Variants in CTNNA3 observed in about 807,000 individuals in gnomAD.
The protein encoded by CTNNA3 is catenin alpha 3.
CTNNA3 carries 76 observed loss-of-function variants against 95.7 expected under a neutral mutation model. The ratio of observed to expected loss-of-function variants is 0.79; its 90% CI spans 0.66 to 0.96. The LOEUF is 0.96. Ranked by LOEUF, CTNNA3 falls within the 40% of genes least tolerant of loss-of-function variation. The pLI is 0.00. For synonymous variants in CTNNA3, 431 were observed against 374.4 expected (o/e 1.15, Z -1.74); for missense variants, 1,191 against 1,089.8 (o/e 1.09, Z -1.31).
intron 7 of CTNNA3, among the ~76,000 whole-genome samples, chr10:66,855,557 AC>A (rs1204287121): frequency 6.6e-6 from 1 of 151,932 alleles, no homozygotes; most frequent in Non-Finnish European, 1.5e-5. Context: ...TTAGCACCAA[AC>A]AGGACCCAAC....
intron 5 of CTNNA3, among the ~76,000 whole-genome samples, chr10:67,347,844 A>AAC (rs1435546680): frequency 1.3e-5 from 2 of 151,266 alleles, no homozygotes; most frequent in Admixed American, 6.6e-5. Flanking sequence ...AAAAAAAAAA[A>AAC]AAAACACAAA....
intron 12 of CTNNA3, among the ~76,000 whole-genome samples, chr10:66,354,728 C>T (rs1054015811): frequency 3.3e-5 from 5 of 152,058 alleles, no homozygotes; most frequent in Admixed American, 2.6e-4. Flanking sequence ...AGGACCTAGA[C>T]ATCCATTACT....
Position 65,917,832 on chromosome 10 carries a change from T to A in CTNNA3, c.*2498A>T, listed in dbSNP as rs1262718258. ...AACATAATGGGGAGATTTATTCATA[T>A]CTTGCTGCTAGTTTTTCTTGCATAT... On this transcript the variant is annotated 3_prime_UTR_variant, in exon 18 of 18. Transcript: ENST00000433211. 1 of 152,154 alleles carries A rather than the reference T, an allele frequency of 6.6e-6. No individual in the cohort carries two copies. Among genetic ancestry groups the A allele is most frequent in the East Asian group, 1.9e-4 (1 of 5,186 alleles). 9.4% of individuals were successfully genotyped at this position (152,154 alleles called of 1,614,324 possible).
At chr10:66,395,613 T>C (rs779681105) in intron 11 of CTNNA3, among the ~76,000 whole-genome samples, 17 of 152,022 alleles carry the variant, frequency 1.1e-4, no homozygotes, top group Admixed American at 3.3e-4. Context: ...AAAAAGTCTG[T>C]ACTTATTATT....
chr10:67,209,760 C>T (rs1439546038), intron 6 of CTNNA3, among the ~76,000 whole-genome samples: 1 of 151,222 alleles, frequency 6.6e-6, no homozygotes, highest in African/African-American at 2.4e-5. Context: ...TTAAAACACA[C>T]TTCTAGTAGT....
chr10:65,939,944 A>C (rs2077404206), intron 17 of CTNNA3, among the ~76,000 whole-genome samples: 1 of 152,186 alleles, frequency 6.6e-6, no homozygotes, highest in Non-Finnish European at 1.5e-5. Context: ...GGAACTGTAT[A>C]TTATTTATGA....
chr10:67,515,601 C>T (rs1839786644), intron 5 of CTNNA3, among the ~76,000 whole-genome samples: 1 of 152,086 alleles, frequency 6.6e-6, no homozygotes, highest in South Asian at 2.1e-4. Context: ...TTATAAATGG[C>T]ATAAAAAATC....
intron 10 of CTNNA3, among the ~76,000 whole-genome samples, chr10:66,544,934 C>T (rs749657294): frequency 1.3e-5 from 2 of 152,088 alleles, no homozygotes; most frequent in African/African-American, 2.4e-5. Flanking sequence ...ATTTATGTAA[C>T]AAACCATTAT....
At chr10:66,394,489 C>G (rs2092958851) in intron 11 of CTNNA3, among the ~76,000 whole-genome samples, 1 of 150,584 alleles carries the variant, frequency 6.6e-6, no homozygotes. Context: ...TGTTAATTGT[C>G]CCATTGCTTC....
intron 10 of CTNNA3, among the ~76,000 whole-genome samples, chr10:66,576,568 G>C (rs990131241): frequency 6.6e-6 from 1 of 151,942 alleles, no homozygotes; most frequent in African/African-American, 2.4e-5. Context: ...AATTATAAGC[G>C]AAAACATGTG....
intron 9 of CTNNA3, among the ~76,000 whole-genome samples, chr10:66,674,347 T>G (rs1846771216): frequency 6.6e-6 from 1 of 152,042 alleles, no homozygotes; most frequent in South Asian, 2.1e-4. Context: ...TCTTTTCAGT[T>G]TCTAAGTCCT....
intron 15 of CTNNA3, among the ~76,000 whole-genome samples, chr10:65,995,687 G>A (rs895975155): frequency 6.6e-6 from 1 of 152,226 alleles, no homozygotes; most frequent in African/African-American, 2.4e-5. Flanking sequence ...AAGTTCCTGG[G>A]TAGCATGCAT....
intron 7 of CTNNA3, among the ~76,000 whole-genome samples, chr10:67,103,173 T>C (rs1436689095): frequency 6.6e-6 from 1 of 151,824 alleles, no homozygotes; most frequent in African/African-American, 2.4e-5. Flanking sequence ...CTCAAATGAA[T>C]TTATTTTTCC....
chr10:67,758,576 A>G (rs1841446488), intron 1 of CTNNA3, among the ~76,000 whole-genome samples: 1 of 152,030 alleles, frequency 6.6e-6, no homozygotes, highest in Non-Finnish European at 1.5e-5. Context: ...ATCCCAATAC[A>G]TTGATCATAG....
intron 1 of CTNNA3, among the ~76,000 whole-genome samples, chr10:67,706,049 G>C (rs568842474): frequency 6.6e-6 from 1 of 152,236 alleles, no homozygotes; most frequent in South Asian, 2.1e-4. Flanking sequence ...TGGCATGCAG[G>C]GGAGGGAAAT....
rs1350254202 is a variant in CTNNA3 at position 66,207,136 on chromosome 10, A to G, written c.1884+73334T>C. ...ATAAGACTAACTAAGGAAGAAAAAG[A>G]ATAAGCTTTTCTAATATATCATTTA... On this transcript the variant is annotated intron_variant, in intron 13 of 17. Coordinates refer to ENST00000433211, the MANE Select transcript of CTNNA3 (RefSeq NM_013266.4). Among the ~76,000 whole-genome samples the G allele has an allele frequency of 2.1e-5, 3 of 146,122 alleles. No individual in the cohort carries two copies. The East Asian group carries it at 5.9e-4, about 29-fold the overall frequency.
intron 7 of CTNNA3, among the ~76,000 whole-genome samples, chr10:67,000,739 C>T (rs1851633510): frequency 6.6e-6 from 1 of 152,094 alleles, no homozygotes; most frequent in South Asian, 2.1e-4. Flanking sequence ...TACAAGTCCT[C>T]CCTCACCCCA....
chr10:66,538,231 T>C (rs1248634318), intron 10 of CTNNA3, among the ~76,000 whole-genome samples: 1 of 152,102 alleles, frequency 6.6e-6, no homozygotes, highest in Non-Finnish European at 1.5e-5. Flanking sequence ...GGAGAGCAGA[T>C]AAGGGTGATG....
Position 66,241,874 on chromosome 10 carries a change from T to C in CTNNA3, c.1884+38596A>G, listed in dbSNP as rs561878103. Among the ~76,000 whole-genome samples the C allele has an allele frequency of 1.4e-4, 21 of 152,294 alleles. No homozygotes were observed. The East Asian group carries it at 4.1e-3, about 29-fold the overall frequency. ...ACTAAAAATCTAATATAACCAAATATAAATCTAAGACCATTCCACTCCTAA... is the reference window on the plus strand; with the variant it reads ...ACTAAAAATCTAATATAACCAAATACAAATCTAAGACCATTCCACTCCTAA... On this transcript the variant is annotated intron_variant, in intron 13 of 17. Transcript: ENST00000433211.
Sources: gnomAD v4.1 joint callset for allele counts (sites outside exome capture counted in the v4.1 genomes callset) on GRCh38, gnomAD v4.1.1 for gene constraint, MANE v1.5 for transcripts, NCBI Gene and HGNC (gene_info 2026-07-23, HGNC 2026-07-21) for gene names.